ITGBL1: variants seen among roughly 807,000 people sequenced by gnomAD.
ITGBL1 encodes integrin beta-like protein 1.
A neutral mutation model predicts 68.5 loss-of-function variants in ITGBL1; 51 were observed. The observed-to-expected ratio is 0.74, with a 90% confidence interval of 0.59 to 0.94. ITGBL1 has a LOEUF of 0.94. ITGBL1 is among the 40% of genes least tolerant of loss of function. The pLI is 0.00. For missense variants in ITGBL1, 649 were observed against 647.4 expected (o/e 1.00, Z -0.03); for synonymous variants, 209 against 227.3 (o/e 0.92, Z 0.72).
intron 8 of ITGBL1, among the ~76,000 whole-genome samples, chr13:101,693,417 C>T (rs1385214714): frequency 6.6e-6 from 1 of 152,016 alleles, no homozygotes; most frequent in Admixed American, 6.6e-5. Flanking sequence ...TAATTATATC[C>T]CTTTATTGGG....
rs1450309228 is a variant in ITGBL1 at position 101,547,984 on chromosome 13, ACT to A, written c.317-19712_317-19711del. 3.3e-5 allele frequency among the ~76,000 whole-genome samples: 5 copies of A among 151,832 alleles called. No homozygotes were observed. The East Asian group carries it at 9.6e-4, about 29-fold the overall frequency. On this transcript the variant is annotated intron_variant, in intron 2 of 10. Transcript: ENST00000376180. ...ACACACACAAAAAGAGATAAAGCAA[ACT>A]CTAAAAAGGTTTATTAACCATAGTT...
At chr13:101,639,704 AAC>A (rs1264179796) in intron 7 of ITGBL1, among the ~76,000 whole-genome samples, 4 of 152,112 alleles carry the variant, frequency 2.6e-5, no homozygotes, top group Non-Finnish European at 4.4e-5. Flanking sequence ...TCCAATTACA[AAC>A]CATGTTTCAT....
chr13:101,605,679 T>C (rs2030769589), intron 7 of ITGBL1, among the ~76,000 whole-genome samples: 3 of 151,838 alleles, frequency 2.0e-5, no homozygotes, highest in Admixed American at 2.0e-4. Flanking sequence ...TGTATGTGTT[T>C]ATGCGTATAC....
At chr13:101,469,280 A>G (rs1369319123) in intron 2 of ITGBL1, among the ~76,000 whole-genome samples, 3 of 152,232 alleles carry the variant, frequency 2.0e-5, no homozygotes, top group African/African-American at 7.2e-5. Flanking sequence ...TGCATCTTGG[A>G]AATGAATGGG....
intron 7 of ITGBL1, among the ~76,000 whole-genome samples, chr13:101,611,797 C>T (rs149394460): frequency 7.9e-5 from 12 of 152,078 alleles, no homozygotes; most frequent in East Asian, 5.8e-4. Context: ...CTGACTCATC[C>T]GGACCCCTAG....
intron 2 of ITGBL1, among the ~76,000 whole-genome samples, chr13:101,512,521 T>C (rs2049132173): frequency 6.6e-6 from 1 of 152,180 alleles, no homozygotes; most frequent in Non-Finnish European, 1.5e-5. Flanking sequence ...TGAGTGGACA[T>C]GAAGCTTTTC....
At chr13:101,507,985 G>T (rs1350359283) in intron 2 of ITGBL1, among the ~76,000 whole-genome samples, 1 of 151,976 alleles carries the variant, frequency 6.6e-6, no homozygotes, top group African/African-American at 2.4e-5. Flanking sequence ...TCTGCAGCTG[G>T]CTCTACAACT....
intron 2 of ITGBL1, among the ~76,000 whole-genome samples, chr13:101,557,160 G>A (rs74797242): frequency 0.011 from 1,751 of 152,264 alleles, 36 homozygotes; most frequent in African/African-American, 0.04. Context: ...GTGGAACTTA[G>A]GATGAAGAAC....
At chr13:101,681,819 C>T (rs972327372) in intron 7 of ITGBL1, among the ~76,000 whole-genome samples, 8 of 151,056 alleles carry the variant, frequency 5.3e-5, no homozygotes, top group East Asian at 1.9e-4. Flanking sequence ...TGCGCATGTG[C>T]GCATGTGTGT....
intron 2 of ITGBL1, among the ~76,000 whole-genome samples, chr13:101,504,153 A>G (rs1007011362): frequency 1.1e-4 from 16 of 152,340 alleles, no homozygotes; most frequent in African/African-American, 3.8e-4. Context: ...TTATAAACAT[A>G]TATTTCCAGG....
chr13:101,483,759 A>G (rs986377400), intron 2 of ITGBL1, among the ~76,000 whole-genome samples: 2 of 152,148 alleles, frequency 1.3e-5, no homozygotes, highest in African/African-American at 4.8e-5. Context: ...ATCTTACCAC[A>G]TATTTTTGAA....
Position 101,452,936 on chromosome 13 carries a change from G to A in ITGBL1, c.98+5G>A. 6.2e-7 allele frequency: 1 copy of A among 1,613,312 alleles called. No individual in the cohort carries two copies. ...AAGCTTCTCGCCATCTCTGAGGTAAGTTTGGTTTGTTATTCTTCAGTACAG... is the reference window on the plus strand; with the variant it reads ...AAGCTTCTCGCCATCTCTGAGGTAAATTTGGTTTGTTATTCTTCAGTACAG... On this transcript the variant is annotated splice_donor_5th_base_variant and intron_variant, in intron 1 of 10. Transcript: ENST00000376180.
intron 7 of ITGBL1, among the ~76,000 whole-genome samples, chr13:101,633,627 A>T (rs1002429977): frequency 1.9e-4 from 29 of 152,186 alleles, no homozygotes; most frequent in Admixed American, 1.9e-3. Flanking sequence ...TCCCTTCTGC[A>T]GTAAGAATGG....
chr13:101,548,632 G>A (rs942251812), intron 2 of ITGBL1, among the ~76,000 whole-genome samples: 6 of 151,306 alleles, frequency 4.0e-5, no homozygotes, highest in African/African-American at 1.5e-4. Context: ...TACATAGAAG[G>A]GAAAATAACA....
intron 2 of ITGBL1, among the ~76,000 whole-genome samples, chr13:101,566,875 C>T (rs768061439): frequency 1.3e-5 from 2 of 152,146 alleles, no homozygotes; most frequent in African/African-American, 4.8e-5. Flanking sequence ...TAGACTTTAT[C>T]GCTCAGCTTA....
At chr13:101,477,484 C>T (rs531566231) in intron 2 of ITGBL1, among the ~76,000 whole-genome samples, 1 of 151,846 alleles carries the variant, frequency 6.6e-6, no homozygotes, top group East Asian at 1.9e-4. Flanking sequence ...TAGTGAAGAT[C>T]ATAGCCGAAA....
At chr13:101,612,974 G>A (rs1232561973) in intron 7 of ITGBL1, among the ~76,000 whole-genome samples, 1 of 152,152 alleles carries the variant, frequency 6.6e-6, no homozygotes, top group East Asian at 1.9e-4. Context: ...TGAGGGGGCA[G>A]GGATGGAAGA....
At chr13:101,641,307 G>T (rs1055494846) in intron 7 of ITGBL1, among the ~76,000 whole-genome samples, 3 of 152,100 alleles carry the variant, frequency 2.0e-5, no homozygotes, top group African/African-American at 7.2e-5. Flanking sequence ...TAATCTGCCA[G>T]TCAGTTTATG....
chr13:101,657,655 A>C (rs1001648200), intron 7 of ITGBL1, among the ~76,000 whole-genome samples: 1 of 152,202 alleles, frequency 6.6e-6, no homozygotes, highest in African/African-American at 2.4e-5. Flanking sequence ...TTGAAACTGG[A>C]CTTCATATTG....
Sources: allele counts gnomAD v4.1 joint callset (sites outside exome capture counted in the v4.1 genomes callset), GRCh38; gene constraint gnomAD v4.1.1; transcripts MANE v1.5; gene names NCBI Gene and HGNC (gene_info 2026-07-23, HGNC 2026-07-21).